The following CDH13 variants were observed in gnomAD, a reference collection of about 807,000 sequenced individuals.
CDH13 encodes cadherin-13.
A neutral mutation model predicts 63.8 loss-of-function variants in CDH13; 24 were observed. That is an observed-to-expected ratio of 0.38 (90% CI 0.27 to 0.53). The LOEUF is 0.53. Among genes scored for constraint, CDH13 ranks in the 20% least tolerant of loss-of-function variants. CDH13 has a pLI of 0.85. For synonymous variants in CDH13, 503 were observed against 355.3 expected (o/e 1.42, Z -4.67); for missense variants, 1,049 against 903.1 (o/e 1.16, Z -2.07).
chr16:82,874,942 T>A (rs912100246), intron 2 of CDH13, among the ~76,000 whole-genome samples: 1 of 152,176 alleles, frequency 6.6e-6, no homozygotes, highest in African/African-American at 2.4e-5. Flanking sequence ...TGTGGCCAGG[T>A]AATCAAATCG....
At chr16:82,886,960 T>A (rs147929775) in intron 2 of CDH13, among the ~76,000 whole-genome samples, 103 of 152,326 alleles carry the variant, frequency 6.8e-4, no homozygotes, top group Non-Finnish European at 1.3e-3. Context: ...GCCTTCTATG[T>A]CTTTTCTTGA....
At chr16:83,592,960 G>A (rs1403947606) in intron 7 of CDH13, among the ~76,000 whole-genome samples, 2 of 152,180 alleles carry the variant, frequency 1.3e-5, no homozygotes, top group African/African-American at 4.8e-5. Context: ...CACATTTTAT[G>A]AGGATGTGTA....
intron 1 of CDH13, among the ~76,000 whole-genome samples, chr16:82,833,970 GA>G (rs1455195105): frequency 1.3e-5 from 2 of 152,134 alleles, no homozygotes; most frequent in Non-Finnish European, 2.9e-5. Context: ...TGTGGGTGGG[GA>G]ATTGTCTCTG....
intron 4 of CDH13, among the ~76,000 whole-genome samples, chr16:83,202,471 G>T (rs552784252): frequency 6.6e-6 from 1 of 152,132 alleles, no homozygotes; most frequent in East Asian, 1.9e-4. Flanking sequence ...AGACAGTAGC[G>T]GCTTCACAGA....
At chr16:82,668,555 G>A (rs771252585) in intron 1 of CDH13, among the ~76,000 whole-genome samples, 5 of 152,168 alleles carry the variant, frequency 3.3e-5, no homozygotes, top group African/African-American at 1.2e-4. Context: ...AGGGATCTGT[G>A]CTATGTACTT....
intron 5 of CDH13, among the ~76,000 whole-genome samples, chr16:83,334,592 T>G (rs2090552918): frequency 6.6e-6 from 1 of 151,056 alleles, no homozygotes; most frequent in African/African-American, 2.4e-5. Flanking sequence ...CTCAGGCTGG[T>G]CTCAAACTCC....
chr16:83,282,884 A>C (rs1399895448), intron 5 of CDH13, among the ~76,000 whole-genome samples: 6 of 152,176 alleles, frequency 3.9e-5, no homozygotes, highest in African/African-American at 1.4e-4. Flanking sequence ...TCCATGGTTG[A>C]TAGGCTAACA....
intron 1 of CDH13, among the ~76,000 whole-genome samples, chr16:82,689,500 G>T (rs910851525): frequency 2.0e-5 from 3 of 152,066 alleles, no homozygotes; most frequent in Non-Finnish European, 4.4e-5. Context: ...CACAATCTAG[G>T]TTTATTTTTG....
chr16:82,802,531 C>G (rs1260001075), intron 1 of CDH13, among the ~76,000 whole-genome samples: 1 of 152,118 alleles, frequency 6.6e-6, no homozygotes, highest in Admixed American at 6.5e-5. Context: ...GACTTAGCAG[C>G]AAAAGGGACT....
chr16:83,669,652 C>G (rs979829148), intron 8 of CDH13, among the ~76,000 whole-genome samples: 1 of 152,176 alleles, frequency 6.6e-6, no homozygotes, highest in African/African-American at 2.4e-5. Context: ...CCGCCCTGTC[C>G]CCTGAGAGGC....
At chr16:83,357,358 C>T (rs1250740314) in intron 6 of CDH13, among the ~76,000 whole-genome samples, 1 of 152,112 alleles carries the variant, frequency 6.6e-6, no homozygotes, top group Admixed American at 6.5e-5. Flanking sequence ...TCTGTACATT[C>T]ACATACACAC....
intron 8 of CDH13, among the ~76,000 whole-genome samples, chr16:83,624,607 A>AATGGGGAGCAGCCG (rs1910114681): frequency 6.6e-6 from 1 of 152,156 alleles, no homozygotes; most frequent in Non-Finnish European, 1.5e-5. Context: ...TCAGGCGGTC[A>AATGGGGAGCAGCCG]TGCTCACTCA....
At chr16:83,517,181 C>A (rs2151613284) in intron 7 of CDH13, among the ~76,000 whole-genome samples, 1 of 152,248 alleles carries the variant, frequency 6.6e-6, no homozygotes, top group East Asian at 1.9e-4. Flanking sequence ...GGTTCCAGAG[C>A]AGCAGGTCAT....
At position 82,917,599 on chromosome 16, in the gene CDH13, C is replaced by G. The variant is rs148814356; in HGVS notation, c.157+59126C>G. ...GTATTGTGACAAAATGTGAACTTCTCTAATAAACTCAGTTTAAAAGAGAAC... is the reference window on the plus strand; with the variant it reads ...GTATTGTGACAAAATGTGAACTTCTGTAATAAACTCAGTTTAAAAGAGAAC... On this transcript the variant is annotated intron_variant, in intron 2 of 13. Transcript: ENST00000567109. Among the ~76,000 whole-genome samples the G allele has an allele frequency of 2.5e-3, 379 of 152,234 alleles. 2 individuals are homozygous for G. Among genetic ancestry groups the G allele is most frequent in the African/African-American group, 8.1e-3 (337 of 41,524 alleles).
intron 7 of CDH13, among the ~76,000 whole-genome samples, chr16:83,559,864 T>A (rs578144681): frequency 6.6e-6 from 1 of 152,238 alleles, no homozygotes; most frequent in Non-Finnish European, 1.5e-5. Flanking sequence ...AATTCTCTGA[T>A]TAAGAAAGAA....
At chr16:83,523,595 C>G (rs918044911) in intron 7 of CDH13, among the ~76,000 whole-genome samples, 1 of 152,176 alleles carries the variant, frequency 6.6e-6, no homozygotes, top group Admixed American at 6.5e-5. Flanking sequence ...ATTTCCCATT[C>G]CTGAGTTGGA....
intron 5 of CDH13, among the ~76,000 whole-genome samples, chr16:83,261,798 C>A (rs777207574): frequency 6.6e-6 from 1 of 151,346 alleles, no homozygotes; most frequent in Non-Finnish European, 1.5e-5. Context: ...CTGTGGGGTA[C>A]CAGGACACCC....
intron 10 of CDH13, among the ~76,000 whole-genome samples, chr16:83,681,373 C>A (rs1017105639): frequency 2.0e-5 from 3 of 152,154 alleles, no homozygotes; most frequent in Admixed American, 6.5e-5. Flanking sequence ...ATGGCAGGAC[C>A]AATCCCTTTC....
chr16:82,989,806 A>G (rs1277054139), intron 2 of CDH13, among the ~76,000 whole-genome samples: 1 of 152,144 alleles, frequency 6.6e-6, no homozygotes, highest in African/African-American at 2.4e-5. Flanking sequence ...AATGTGATTT[A>G]CGTTTAGATG....
Sources: allele counts gnomAD v4.1 joint callset (sites outside exome capture counted in the v4.1 genomes callset), GRCh38; gene constraint gnomAD v4.1.1; transcripts MANE v1.5; gene names NCBI Gene and HGNC (gene_info 2026-07-23, HGNC 2026-07-21).